The following NOS1AP variants were observed in gnomAD, a reference collection of about 807,000 sequenced individuals.
The protein encoded by NOS1AP is nitric oxide synthase 1 adaptor protein.
In NOS1AP, 21 loss-of-function variants were observed where a neutral mutation model predicts 56.2. That is an observed-to-expected ratio of 0.37 (90% CI 0.26 to 0.54). The LOEUF (loss-of-function observed/expected upper bound fraction) is 0.54, where lower values mean the gene tolerates loss of function less well. Among genes scored for constraint, NOS1AP ranks in the 20% least tolerant of loss-of-function variants. The pLI is 0.84. For missense variants in NOS1AP, 522 were observed against 657.8 expected (o/e 0.79, Z 2.26); for synonymous variants, 270 against 274.6 (o/e 0.98, Z 0.17).
chr1:162,126,819 G>A (rs1648510053), intron 1 of NOS1AP, among the ~76,000 whole-genome samples: 1 of 151,324 alleles, frequency 6.6e-6, no homozygotes, highest in South Asian at 2.1e-4. Flanking sequence ...CCTGGAAGTG[G>A]GATTCCTGGG....
chr1:162,356,860 G>T, intron 7 of NOS1AP, 100 bp from the exon 8 acceptor site: 1 of 1,605,746 alleles, frequency 6.2e-7, no homozygotes, highest in South Asian at 1.1e-5. Flanking sequence ...TGGGTTGTAA[G>T]TGTGCCAATT....
At chr1:162,366,465 A>G (rs1387259210) in intron 9 of NOS1AP, among the ~76,000 whole-genome samples, 3 of 152,158 alleles carry the variant, frequency 2.0e-5, no homozygotes, top group Non-Finnish European at 2.9e-5. Context: ...TGATTGCAAA[A>G]TTTTGTTCCA....
chr1:162,082,540 T>C lies in NOS1AP; in HGVS notation c.105+12258T>C, dbSNP rs183441669. ...CTGTTTTCCACAATGGCTGAACTAA[T>C]TTATACTCCCACCAACAGTCTATAA... On this transcript the variant is annotated intron_variant, in intron 1 of 9. Transcript: ENST00000361897. 2.1e-4 allele frequency among the ~76,000 whole-genome samples: 32 copies of C among 152,358 alleles called. No individual in the cohort carries two copies. In the East Asian group the frequency reaches 5.6e-3, roughly 27 times the overall value.
chr1:162,287,273 C>T (rs1376569805), intron 2 of NOS1AP, 71 bp from the exon 3 acceptor site: 1 of 1,118,856 alleles, frequency 8.9e-7, no homozygotes, highest in Admixed American at 1.7e-5. Flanking sequence ...CAGGCATGGG[C>T]TAGCTGGGTC....
At chr1:162,228,553 A>AGG (rs1464494681) in intron 2 of NOS1AP, among the ~76,000 whole-genome samples, 6 of 152,204 alleles carry the variant, frequency 3.9e-5, no homozygotes, top group Non-Finnish European at 8.8e-5. Context: ...GCCAAGGAGG[A>AGG]GGGGCCTGGT....
At chr1:162,186,853 C>T (rs1026861453) in intron 2 of NOS1AP, among the ~76,000 whole-genome samples, 4 of 152,224 alleles carry the variant, frequency 2.6e-5, no homozygotes, top group Non-Finnish European at 5.9e-5. Flanking sequence ...AGCAGACTGA[C>T]ACTGTTTCAG....
chr1:162,100,025 T>C (rs1260745292), intron 1 of NOS1AP, among the ~76,000 whole-genome samples: 4 of 152,046 alleles, frequency 2.6e-5, no homozygotes, highest in Non-Finnish European at 5.9e-5. Context: ...CTTAATCCAG[T>C]CTATCATTGT....
intron 2 of NOS1AP, among the ~76,000 whole-genome samples, chr1:162,261,468 CA>C (rs1271595589): frequency 5.1e-5 from 1 of 19,486 alleles, no homozygotes; most frequent in African/African-American, 1.7e-4. Context: ...AGCGGGGAGT[CA>C]GAGAGAGAGA....
At position 162,368,909 on chromosome 1, in the gene NOS1AP, T is replaced by A. The variant is rs181780398; in HGVS notation, c.*1442T>A. The A allele has an allele frequency of 6.6e-6, 1 of 152,364 alleles. No individual in the cohort carries two copies. Among genetic ancestry groups the A allele is most frequent in the East Asian group, 1.9e-4 (1 of 5,188 alleles). The allele number at this position is 152,364 out of a possible 1,614,324, so 9.4% of individuals were successfully genotyped here. A position where few individuals can be genotyped will look rare whatever the true frequency, so the allele number is the denominator to read the frequency against. On this transcript the variant is annotated 3_prime_UTR_variant, in exon 10 of 10. Coordinates refer to ENST00000361897, the MANE Select transcript of NOS1AP (RefSeq NM_014697.3). ...CAAAATGGAGTTCATCGACCCTAGC[T>A]TTCCTTTAGATTATATATAAATAAA...
chr1:162,314,528 C>A (rs1370364089), intron 4 of NOS1AP, among the ~76,000 whole-genome samples: 1 of 152,180 alleles, frequency 6.6e-6, no homozygotes, highest in Non-Finnish European at 1.5e-5. Flanking sequence ...TAAAGGGAAT[C>A]AATTTAGAAT....
chr1:162,207,429 G>T (rs1181938917), intron 2 of NOS1AP, among the ~76,000 whole-genome samples: 2 of 152,246 alleles, frequency 1.3e-5, no homozygotes, highest in Non-Finnish European at 2.9e-5. Context: ...AAGAGCCCAG[G>T]TTAGTGTGGG....
intron 1 of NOS1AP, among the ~76,000 whole-genome samples, chr1:162,077,476 A>G (rs1288477539): frequency 6.6e-6 from 1 of 152,024 alleles, no homozygotes; most frequent in Non-Finnish European, 1.5e-5. Flanking sequence ...GAGTTGTAAG[A>G]GTTCTTTATA....
rs1396619980 is a variant in NOS1AP at position 162,188,729 on chromosome 1, A to AT, written c.177+34258dup. On this transcript the variant is annotated intron_variant, in intron 2 of 9. Coordinates refer to ENST00000361897, the MANE Select transcript of NOS1AP (RefSeq NM_014697.3). The surrounding 1 kb of genome is among the most constrained non-coding windows in gnomAD (Gnocchi z 4.0). ...TGATAACAGTGTAATAAATGTCTCT[A>AT]TTTTTATTTTCAAATGTTGAACAGT... 2.2e-4 allele frequency among the ~76,000 whole-genome samples: 33 copies of AT among 152,266 alleles called. No individual in the cohort carries two copies. Among genetic ancestry groups the AT allele is most frequent in the African/African-American group, 7.7e-4 (32 of 41,540 alleles).
intron 1 of NOS1AP, among the ~76,000 whole-genome samples, chr1:162,140,139 A>G (rs1307108409): frequency 6.6e-6 from 1 of 152,026 alleles, no homozygotes; most frequent in Admixed American, 6.6e-5. Flanking sequence ...TGCAGTCTTA[A>G]TTTTGTTTTC....
At chr1:162,302,655 T>C (rs2819311) in intron 4 of NOS1AP, among the ~76,000 whole-genome samples, 149,159 of 152,360 alleles carry the variant, frequency 0.98, 73,098 homozygotes, top group Middle Eastern at 1. Flanking sequence ...TTATTTTTAA[T>C]AGCTTCATTG....
rs550967995 is a variant in NOS1AP, at chr1:162,356,622, C to A, written c.763-338C>A. Among the ~76,000 whole-genome samples, 129 of 152,296 alleles carry A rather than the reference C, an allele frequency of 8.5e-4. 2 individuals are homozygous for A. The highest frequency in any genetic ancestry group is 3.0e-3 in the African/African-American group (124 of 41,584). ...AAGCTACGTTTTCCTAAAATAGATT[C>A]TTCTAAGTCTAGAACCTCAAGGAAC... On this transcript the variant is annotated intron_variant, in intron 7 of 9. Coordinates refer to ENST00000361897, the MANE Select transcript of NOS1AP (RefSeq NM_014697.3).
intron 8 of NOS1AP, chr1:162,362,850 A>G: frequency 1.8e-6 from 1 of 546,322 alleles, no homozygotes. Context: ...CCCTTTCCAA[A>G]GAGGAGAAAA....
chr1:162,080,532 C>A (rs1022467416), intron 1 of NOS1AP, among the ~76,000 whole-genome samples: 3 of 152,194 alleles, frequency 2.0e-5, no homozygotes, highest in Admixed American at 2.0e-4. Context: ...GGAGCACTCC[C>A]CTAATCCCAC....
chr1:162,265,393 A>G (rs528229396), intron 2 of NOS1AP, among the ~76,000 whole-genome samples: 86 of 82,310 alleles, frequency 1.0e-3, no homozygotes, highest in African/African-American at 3.4e-3. Context: ...CCCACCCCAC[A>G]ACAGTTCCCA....
Sources: allele counts gnomAD v4.1 joint callset (sites outside exome capture counted in the v4.1 genomes callset), GRCh38; gene constraint gnomAD v4.1.1; non-coding constraint Gnocchi (gnomAD v3.1); transcripts MANE v1.5; gene names NCBI Gene and HGNC (gene_info 2026-07-23, HGNC 2026-07-21).